DLGAP1: variants seen among roughly 807,000 people sequenced by gnomAD.
DLGAP1 encodes DLG associated protein 1.
Under a neutral mutation model 90.8 loss-of-function variants are expected in DLGAP1, and 11 were observed. That is an observed-to-expected ratio of 0.12 (90% CI 0.08 to 0.20). DLGAP1 has a LOEUF of 0.20. Among genes scored for constraint, DLGAP1 ranks in the 10% least tolerant of loss-of-function variants. The probability of loss-of-function intolerance (pLI) is 1.00; values close to 1 mark genes in which losing one functional copy is unlikely to be tolerated. For synonymous variants in DLGAP1, 558 were observed against 540.7 expected (o/e 1.03, Z -0.44); for missense variants, 1,050 against 1,333.8 (o/e 0.79, Z 3.31).
At chr18:3,570,038 A>G (rs2054673937) in intron 8 of DLGAP1, among the ~76,000 whole-genome samples, 1 of 151,996 alleles carries the variant, frequency 6.6e-6, no homozygotes, top group African/African-American at 2.4e-5. Context: ...TGTTCTGCAT[A>G]GTCATATGCT....
chr18:4,213,631 C>T (rs918440904), intron 1 of DLGAP1, among the ~76,000 whole-genome samples: 2 of 152,076 alleles, frequency 1.3e-5, no homozygotes, highest in African/African-American at 4.8e-5. Flanking sequence ...AAATGGTACC[C>T]ATTGAAGATC....
chr18:4,008,249 A>ACACT (rs1555724079), intron 2 of DLGAP1, among the ~76,000 whole-genome samples: 7 of 151,288 alleles, frequency 4.6e-5, no homozygotes, highest in Admixed American at 4.6e-4. Context: ...ACACACACAC[A>ACACT]CTCACACACA....
chr18:4,131,830 T>C (rs746929048), intron 2 of DLGAP1, among the ~76,000 whole-genome samples: 1 of 152,172 alleles, frequency 6.6e-6, no homozygotes, highest in Non-Finnish European at 1.5e-5. Flanking sequence ...ACTGTGCAAA[T>C]GTTAAAAGAA....
intron 5 of DLGAP1, among the ~76,000 whole-genome samples, chr18:3,811,375 C>G (rs2066831372): frequency 6.6e-6 from 1 of 152,134 alleles, no homozygotes; most frequent in Admixed American, 6.5e-5. Context: ...ATGAGATGTG[C>G]TTCCTTCAAA....
chr18:4,246,220 A>G (rs973410149), intron 1 of DLGAP1, among the ~76,000 whole-genome samples: 4 of 152,188 alleles, frequency 2.6e-5, no homozygotes, highest in Admixed American at 2.6e-4. Flanking sequence ...AGTTCTTAAC[A>G]TAGATGCTGA....
At chr18:3,590,335 T>C (rs1167135696) in intron 7 of DLGAP1, among the ~76,000 whole-genome samples, 1 of 152,236 alleles carries the variant, frequency 6.6e-6, no homozygotes, top group African/African-American at 2.4e-5. Flanking sequence ...TTCAGTCACT[T>C]TTCACTGTTA....
At chr18:3,975,002 G>T (rs1318476221) in intron 3 of DLGAP1, among the ~76,000 whole-genome samples, 1 of 152,108 alleles carries the variant, frequency 6.6e-6, no homozygotes, top group Non-Finnish European at 1.5e-5. Context: ...ACAGAAAGTG[G>T]AATGGTGATT....
intron 7 of DLGAP1, among the ~76,000 whole-genome samples, chr18:3,585,645 T>C (rs1388552789): frequency 6.6e-6 from 1 of 152,140 alleles, no homozygotes; most frequent in Non-Finnish European, 1.5e-5. Flanking sequence ...GTGTGGATAA[T>C]CCAAACTGGA....
intron 4 of DLGAP1, among the ~76,000 whole-genome samples, chr18:3,823,767 T>C (rs916806222): frequency 2.0e-5 from 3 of 151,746 alleles, no homozygotes; most frequent in Non-Finnish European, 2.9e-5. Context: ...CTGGCCAACA[T>C]GGTAAAACCC....
intron 1 of DLGAP1, among the ~76,000 whole-genome samples, chr18:4,404,109 T>G (rs554774716): frequency 6.6e-6 from 1 of 152,142 alleles, no homozygotes; most frequent in Non-Finnish European, 1.5e-5. Flanking sequence ...GGAAGGAAAG[T>G]GCAAAAGGTG....
chr18:4,158,710 T>A (rs1021938878), intron 1 of DLGAP1, among the ~76,000 whole-genome samples: 1 of 152,186 alleles, frequency 6.6e-6, no homozygotes, highest in Admixed American at 6.5e-5. Flanking sequence ...CTTAATTTAA[T>A]TTGATTTCTA....
At chr18:4,317,096 T>A (rs2080549609) in intron 1 of DLGAP1, among the ~76,000 whole-genome samples, 1 of 152,182 alleles carries the variant, frequency 6.6e-6, no homozygotes, top group Non-Finnish European at 1.5e-5. Flanking sequence ...AGGTCAGGTT[T>A]TAATATTTCC....
At position 4,061,005 on chromosome 18, in the gene DLGAP1, C is replaced by T. The variant is rs559954605; in HGVS notation, c.-158-55804G>A. 6.0e-4 allele frequency among the ~76,000 whole-genome samples: 91 copies of T among 152,270 alleles called. 2 individuals carry two copies. Among genetic ancestry groups the T allele is most frequent in the African/African-American group, 2.1e-3 (87 of 41,554 alleles). On this transcript the variant is annotated intron_variant, in intron 2 of 12. Transcript: ENST00000315677. ...TGTACAACTTGCCTTCTTTAAACCT[C>T]GGTAAGGCCTGGGGACATATAAAGC...
chr18:4,398,291 G>A (rs968622100), intron 1 of DLGAP1, among the ~76,000 whole-genome samples: 1 of 151,010 alleles, frequency 6.6e-6, no homozygotes, highest in East Asian at 2.0e-4. Context: ...TGTCCCCATT[G>A]CTTTTCTGCA....
At chr18:4,106,306 C>G (rs2075866430) in intron 2 of DLGAP1, among the ~76,000 whole-genome samples, 1 of 152,086 alleles carries the variant, frequency 6.6e-6, no homozygotes, top group Non-Finnish European at 1.5e-5. Flanking sequence ...AAACTTCTGC[C>G]CTTGGAAATT....
chr18:3,919,922 C>T (rs973574701), intron 3 of DLGAP1, among the ~76,000 whole-genome samples: 4 of 152,124 alleles, frequency 2.6e-5, no homozygotes, highest in Non-Finnish European at 5.9e-5. Flanking sequence ...AACAGAGGCG[C>T]AGTTAGATAC....
At chr18:4,287,206 G>A (rs967142978) in intron 1 of DLGAP1, among the ~76,000 whole-genome samples, 3 of 152,098 alleles carry the variant, frequency 2.0e-5, no homozygotes, top group African/African-American at 7.2e-5. Flanking sequence ...GTTATCAAAA[G>A]CACAATGAGA....
intron 3 of DLGAP1, among the ~76,000 whole-genome samples, chr18:3,955,369 A>G (rs528314559): frequency 3.7e-4 from 56 of 152,368 alleles, no homozygotes; most frequent in Admixed American, 3.5e-3. Context: ...AAAAATATCC[A>G]GTACCTGACA....
intron 4 of DLGAP1, among the ~76,000 whole-genome samples, chr18:3,848,723 T>C (rs2069165865): frequency 6.6e-6 from 1 of 152,170 alleles, no homozygotes; most frequent in Admixed American, 6.5e-5. Flanking sequence ...GATATTGATT[T>C]GGAATCTCCG....
Sources: gnomAD v4.1 joint callset for allele counts (sites outside exome capture counted in the v4.1 genomes callset) on GRCh38, gnomAD v4.1.1 for gene constraint, MANE v1.5 for transcripts, NCBI Gene and HGNC (gene_info 2026-07-23, HGNC 2026-07-21) for gene names.